The following DPP6 variants were observed in gnomAD, a reference collection of about 807,000 sequenced individuals.
DPP6 encodes the protein dipeptidyl peptidase like 6.
DPP6 carries 69 observed loss-of-function variants against 122.6 expected under a neutral mutation model. That is an observed-to-expected ratio of 0.56 (90% CI 0.46 to 0.69). The LOEUF (loss-of-function observed/expected upper bound fraction) is 0.69, where lower values mean the gene tolerates loss of function less well. DPP6 is among the 30% of genes least tolerant of loss of function. The probability of loss-of-function intolerance (pLI) is 0.00; values close to 1 mark genes in which losing one functional copy is unlikely to be tolerated. For missense variants in DPP6, 928 were observed against 1,116.9 expected, an observed-to-expected ratio of 0.83 and a Z score of 2.41; for synonymous variants, 418 against 433.1, an observed-to-expected ratio of 0.97 and a Z score of 0.43.
intron 1 of DPP6, among the ~76,000 whole-genome samples, chr7:154,018,102 G>A (rs912409920): frequency 2.0e-5 from 3 of 152,028 alleles, no homozygotes; most frequent in Non-Finnish European, 4.4e-5. Context: ...GGTAGCCACA[G>A]CAGGGTGATT....
chr7:154,766,703 T>G (rs1158557517), intron 8 of DPP6, among the ~76,000 whole-genome samples: 1 of 152,258 alleles, frequency 6.6e-6, no homozygotes, highest in African/African-American at 2.4e-5. Context: ...TGGCATTTGC[T>G]GATAAGATCG....
chr7:154,052,085 C>T (rs1052760596), upstream of DPP6, among the ~76,000 whole-genome samples: 8 of 145,920 alleles, frequency 5.5e-5, no homozygotes, highest in African/African-American at 2.0e-4. This position sits in a 1 kb window ranked among gnomAD's most constrained non-coding sequence, Gnocchi z 4.8. Flanking sequence ...ACCTCCGCAT[C>T]CCCTTGCACC....
chr7:154,724,001 C>T (rs1841946015), intron 7 of DPP6, among the ~76,000 whole-genome samples: 1 of 152,160 alleles, frequency 6.6e-6, no homozygotes, highest in Admixed American at 6.5e-5. Flanking sequence ...CAATTTATAG[C>T]TTAGGAGCTT....
chr7:154,772,964 T>TA, intron 10 of DPP6, 22 bp downstream of exon 10: 1 of 1,400,808 alleles, frequency 7.1e-7, no homozygotes, highest in Admixed American at 3.1e-5. Flanking sequence ...TCTATTATGT[T>TA]ACCAAAAAAA....
chr7:154,575,555 T>A (rs1341047203), intron 5 of DPP6, among the ~76,000 whole-genome samples: 1 of 130,126 alleles, frequency 7.7e-6, no homozygotes, highest in Non-Finnish European at 1.6e-5. Context: ...TGTGGTGTGT[T>A]TATTTGTGTG....
At chr7:154,262,696 T>C (rs960356855) in intron 1 of DPP6, among the ~76,000 whole-genome samples, 1 of 151,826 alleles carries the variant, frequency 6.6e-6, no homozygotes, top group African/African-American at 2.4e-5. Context: ...AGGTTAAGCT[T>C]ACATAAGAGA....
At chr7:154,303,687 C>A (rs997009170) in intron 1 of DPP6, among the ~76,000 whole-genome samples, 1 of 152,158 alleles carries the variant, frequency 6.6e-6, no homozygotes. Context: ...TACCACACAG[C>A]AAGGGTTTCA....
intron 8 of DPP6, among the ~76,000 whole-genome samples, chr7:154,739,208 A>G (rs1485264494): frequency 6.6e-6 from 1 of 152,218 alleles, no homozygotes; most frequent in East Asian, 1.9e-4. Flanking sequence ...GCACTGAGCC[A>G]TTGTCCAGAA....
chr7:154,689,989 C>T (rs934509703), intron 7 of DPP6, among the ~76,000 whole-genome samples: 2 of 152,132 alleles, frequency 1.3e-5, no homozygotes, highest in Non-Finnish European at 2.9e-5. Flanking sequence ...ATACATCTTT[C>T]GCATGTCAAG....
At chr7:154,487,554 C>A (rs1278889527) in intron 3 of DPP6, among the ~76,000 whole-genome samples, 1 of 152,178 alleles carries the variant, frequency 6.6e-6, no homozygotes, top group East Asian at 1.9e-4. Flanking sequence ...TAGTTCCGTT[C>A]CAATTAAAAG....
intron 17 of DPP6, among the ~76,000 whole-genome samples, chr7:154,867,551 G>A (rs1478900132): frequency 1.3e-5 from 2 of 152,098 alleles, no homozygotes; most frequent in Admixed American, 1.3e-4. Flanking sequence ...TTTATTTCTG[G>A]GAACATTTAA....
In DPP6 at chr7:153,920,058, A is replaced by G. The variant is rs894812470; in HGVS notation, c.51+32324A>G. ...AATGTCCTGCAGTAGTAATGATTCA[A>G]ATGTACCTCATGGAAATCAAGTGAG... On this transcript the variant is annotated intron_variant, in intron 1 of 25. Coordinates refer to the DPP6 transcript ENST00000404039. 3.3e-5 allele frequency among the ~76,000 whole-genome samples: 5 copies of G among 152,322 alleles called. No homozygotes were observed. In the East Asian group the frequency reaches 9.6e-4, roughly 29 times the overall value.
intron 5 of DPP6, among the ~76,000 whole-genome samples, chr7:154,589,701 C>T (rs1586693901): frequency 6.6e-6 from 1 of 152,180 alleles, no homozygotes; most frequent in African/African-American, 2.4e-5. Flanking sequence ...CCCTATTGGG[C>T]AGTACAGTTC....
chr7:153,894,054 G>A (rs1799309926), intron 1 of DPP6, among the ~76,000 whole-genome samples: 1 of 152,130 alleles, frequency 6.6e-6, no homozygotes, highest in Admixed American at 6.5e-5. Context: ...TGTGTCCCCA[G>A]TACTTTTTCC....
chr7:154,221,669 T>C (rs1800315379), intron 1 of DPP6, among the ~76,000 whole-genome samples: 1 of 152,210 alleles, frequency 6.6e-6, no homozygotes, highest in Non-Finnish European at 1.5e-5. Flanking sequence ...TTGAAAATTT[T>C]ATTAAAATGG....
chr7:154,678,084 G>T (rs771336676), intron 7 of DPP6, among the ~76,000 whole-genome samples: 5 of 152,050 alleles, frequency 3.3e-5, no homozygotes, highest in Admixed American at 2.6e-4. Flanking sequence ...CTGTAAATAC[G>T]CACCAATCAG....
intron 22 of DPP6, among the ~76,000 whole-genome samples, chr7:154,886,146 G>C (rs1806128604): frequency 6.6e-6 from 1 of 152,202 alleles, no homozygotes; most frequent in Non-Finnish European, 1.5e-5. Flanking sequence ...TCTATGCCTG[G>C]GCATGGGTAT....
chr7:154,230,466 C>T (rs1008366750), intron 1 of DPP6, among the ~76,000 whole-genome samples: 2 of 152,172 alleles, frequency 1.3e-5, no homozygotes, highest in Non-Finnish European at 2.9e-5. Flanking sequence ...CCACGTGGGT[C>T]TTGTGCCTTT....
chr7:153,873,514 C>T, the DPP6 span, among the ~76,000 whole-genome samples: 3 of 152,152 alleles, frequency 2.0e-5, no homozygotes, highest in Admixed American at 6.5e-5. Context: ...AAATTCTAAC[C>T]GTTCCATAAA....
Sources: allele counts gnomAD v4.1 joint callset (sites outside exome capture counted in the v4.1 genomes callset), GRCh38; gene constraint gnomAD v4.1.1; non-coding constraint Gnocchi (gnomAD v3.1); transcripts MANE v1.5; gene names NCBI Gene and HGNC (gene_info 2026-07-23, HGNC 2026-07-21).